The following DLG2 variants were observed in gnomAD, a reference collection of about 807,000 sequenced individuals.
DLG2 encodes disks large homolog 2.
In DLG2, 45 loss-of-function variants were observed where a neutral mutation model predicts 132.5. The ratio of observed to expected loss-of-function variants is 0.34; its 90% CI spans 0.27 to 0.44. DLG2 has a LOEUF of 0.44. Ranked by LOEUF, DLG2 falls within the 20% of genes least tolerant of loss-of-function variation. DLG2 has a pLI of 1.00. For synonymous variants in DLG2, 424 were observed against 419.6 expected, an observed-to-expected ratio of 1.01 and a Z score of -0.13; for missense variants, 1,045 against 1,196.9, an observed-to-expected ratio of 0.87 and a Z score of 1.87.
At chr11:83,668,160 G>T (rs988639497) in intron 18 of DLG2, among the ~76,000 whole-genome samples, 2 of 151,714 alleles carry the variant, frequency 1.3e-5, no homozygotes, top group East Asian at 3.9e-4. Flanking sequence ...GGAAGCAATG[G>T]CTATGTCTGG....
chr11:85,087,844 C>CAAAAAAAAAAAAAAAAAAAAAAAAAA (rs71465019), intron 6 of DLG2, among the ~76,000 whole-genome samples: 1 of 22,062 alleles, frequency 4.5e-5, no homozygotes, highest in Non-Finnish European at 1.1e-4. Context: ...GACTCCGTCT[C>CAAAAAAAAAAAAAAAAAAAAAAAAAA]AAAAAAAAAA....
intron 6 of DLG2, among the ~76,000 whole-genome samples, chr11:84,790,339 G>A (rs543515669): frequency 6.6e-6 from 1 of 152,284 alleles, no homozygotes; most frequent in Admixed American, 6.5e-5. Flanking sequence ...GATGATCAAT[G>A]ATGTTGAGCA....
At chr11:84,153,393 A>C (rs1489089261) in intron 9 of DLG2, among the ~76,000 whole-genome samples, 1 of 152,076 alleles carries the variant, frequency 6.6e-6, no homozygotes, top group Non-Finnish European at 1.5e-5. Flanking sequence ...CTCTCTAGTG[A>C]AACTGGGGAC....
At chr11:83,573,388 A>G (rs1365046186) in intron 19 of DLG2, among the ~76,000 whole-genome samples, 1 of 152,188 alleles carries the variant, frequency 6.6e-6, no homozygotes, top group Non-Finnish European at 1.5e-5. Context: ...GTTCATTTGC[A>G]GAGTAATATA....
At chr11:83,828,851 A>AGT (rs769342895) in intron 17 of DLG2, among the ~76,000 whole-genome samples, 2 of 151,440 alleles carry the variant, frequency 1.3e-5, no homozygotes, top group African/African-American at 2.4e-5. Context: ...CTCTTTCTTC[A>AGT]GTGTGTGTGT....
At chr11:84,178,785 A>C (rs1279622203) in intron 8 of DLG2, among the ~76,000 whole-genome samples, 2 of 152,140 alleles carry the variant, frequency 1.3e-5, no homozygotes, top group Non-Finnish European at 2.9e-5. Context: ...ATCAGTAGCT[A>C]TATACTGCAG....
At chr11:84,154,655 C>A (rs984714007) in intron 9 of DLG2, among the ~76,000 whole-genome samples, 3 of 152,136 alleles carry the variant, frequency 2.0e-5, no homozygotes, top group Non-Finnish European at 4.4e-5. Flanking sequence ...CCCCTTCCCC[C>A]ACCCCACGAC....
intron 8 of DLG2, among the ~76,000 whole-genome samples, chr11:84,189,340 T>C (rs1176017162): frequency 6.6e-6 from 1 of 152,158 alleles, no homozygotes; most frequent in Admixed American, 6.5e-5. Flanking sequence ...ATGCTGGCAA[T>C]GTTGTGGAGA....
intron 22 of DLG2, among the ~76,000 whole-genome samples, chr11:83,476,850 T>C (rs1022946047): frequency 1.3e-5 from 2 of 152,066 alleles, no homozygotes; most frequent in African/African-American, 4.8e-5. Context: ...TAATAAATAG[T>C]TTTGTTGCAG....
At chr11:84,777,069 G>C (rs1164898639) in intron 6 of DLG2, among the ~76,000 whole-genome samples, 1 of 151,126 alleles carries the variant, frequency 6.6e-6, no homozygotes, top group Non-Finnish European at 1.5e-5. Context: ...TGCGAGTCTT[G>C]GGTGTCTGTC....
chr11:85,490,416 C>T (rs2093529967), intron 3 of DLG2, among the ~76,000 whole-genome samples: 1 of 151,618 alleles, frequency 6.6e-6, no homozygotes, highest in South Asian at 2.1e-4. Context: ...ACAAACCAAA[C>T]CCAAAGCTAG....
intron 15 of DLG2, among the ~76,000 whole-genome samples, chr11:83,877,142 T>C (rs778340703): frequency 6.6e-6 from 1 of 152,162 alleles, no homozygotes; most frequent in Admixed American, 6.5e-5. Context: ...TAAAAATGTG[T>C]ATCTGTACTA....
chr11:84,372,473 T>C (rs1306666074), intron 7 of DLG2, among the ~76,000 whole-genome samples: 1 of 152,164 alleles, frequency 6.6e-6, no homozygotes, highest in African/African-American at 2.4e-5. Context: ...GTCTTTGCCC[T>C]ACAGCAAATC....
At chr11:83,700,186 A>G (rs780249189) in intron 18 of DLG2, among the ~76,000 whole-genome samples, 11 of 152,164 alleles carry the variant, frequency 7.2e-5, no homozygotes, top group Admixed American at 2.0e-4. Flanking sequence ...ATAATAATGT[A>G]TTGAAAGAGC....
At chr11:84,320,082 A>G (rs1478375628) in intron 7 of DLG2, among the ~76,000 whole-genome samples, 1 of 152,212 alleles carries the variant, frequency 6.6e-6, no homozygotes. Flanking sequence ...ATGAGATGAC[A>G]TGAAATTCTG....
At chr11:85,240,809 C>T (rs551930330) in intron 4 of DLG2, among the ~76,000 whole-genome samples, 109 of 151,834 alleles carry the variant, frequency 7.2e-4, no homozygotes, top group African/African-American at 2.3e-3. Flanking sequence ...TGTCTTATTA[C>T]GATGTCTTAA....
rs115127334 is a variant in DLG2 at position 84,413,524 on chromosome 11, G to A, written c.519+121046C>T. 2.3e-3 allele frequency among the ~76,000 whole-genome samples: 356 copies of A among 152,254 alleles called. 2 individuals are homozygous for A. The highest frequency in any genetic ancestry group is 0.01 in the Middle Eastern group (3 of 294). On this transcript the variant is annotated intron_variant, in intron 7 of 27. Coordinates refer to ENST00000376104, the MANE Select transcript of DLG2 (RefSeq NM_001142699.3). ...CCAAAGAGATCCAGAAATGTGATGT[G>A]TCCTCACTGTAAACTCACCTGCAAG...
chr11:83,694,609 T>C (rs2081560744), intron 18 of DLG2, among the ~76,000 whole-genome samples: 1 of 152,242 alleles, frequency 6.6e-6, no homozygotes. Context: ...AGACTGTTCC[T>C]TTCTTCCTTC....
intron 9 of DLG2, among the ~76,000 whole-genome samples, chr11:84,154,876 A>C: frequency 6.6e-6 from 1 of 152,294 alleles, no homozygotes; most frequent in African/African-American, 2.4e-5. Context: ...TATGTGCCAC[A>C]TTTTCTTAAT....
Sources: allele counts gnomAD v4.1 joint callset (sites outside exome capture counted in the v4.1 genomes callset), GRCh38; gene constraint gnomAD v4.1.1; transcripts MANE v1.5; gene names NCBI Gene and HGNC (gene_info 2026-07-23, HGNC 2026-07-21).